GRID2: variants seen among roughly 807,000 people sequenced by gnomAD.
The protein encoded by GRID2 is glutamate receptor ionotropic, delta-2.
GRID2 carries 33 observed loss-of-function variants against 114.8 expected under a neutral mutation model. The ratio of observed to expected loss-of-function variants is 0.29; its 90% CI spans 0.22 to 0.38. GRID2 has a LOEUF of 0.38. Among genes scored for constraint, GRID2 ranks in the 10% least tolerant of loss-of-function variants. The pLI, the probability that GRID2 is intolerant of heterozygous loss-of-function variation, is 1.00. For synonymous variants in GRID2, 505 were observed against 449.9 expected, an observed-to-expected ratio of 1.12 and a Z score of -1.55; for missense variants, 1,184 against 1,257.7, an observed-to-expected ratio of 0.94 and a Z score of 0.89.
Position 93,644,317 on chromosome 4 carries a change from C to T in GRID2, c.2360+17882C>T, listed in dbSNP as rs569490332. ...GCTGTAGACCGGAGCTGTTCCTATT[C>T]GGCCATCTTGGCTCCTCCCCACTAA... is the stretch of plus-strand genomic sequence containing the variant. On this transcript the variant is annotated intron_variant, in intron 14 of 15. Coordinates refer to ENST00000282020, the MANE Select transcript of GRID2 (RefSeq NM_001510.4). Among the ~76,000 whole-genome samples, 13 of 48,000 alleles carry T rather than the reference C, an allele frequency of 2.7e-4. 5 individuals carry two copies. The highest frequency in any genetic ancestry group is 4.2e-4 in the African/African-American group (2 of 4,766). 31.5% of individuals were successfully genotyped at this position (48,000 alleles called of 152,430 possible). A position where few individuals can be genotyped will look rare whatever the true frequency, so the allele number is the denominator to read the frequency against.
intron 13 of GRID2, among the ~76,000 whole-genome samples, chr4:93,618,638 G>A (rs1158027425): frequency 6.6e-6 from 1 of 152,142 alleles, no homozygotes; most frequent in East Asian, 1.9e-4. Flanking sequence ...GTATATTAAT[G>A]GTAACAAATA....
At chr4:92,512,591 T>C (rs17019424) in intron 1 of GRID2, among the ~76,000 whole-genome samples, 2,755 of 151,932 alleles carry the variant, frequency 0.018, 94 homozygotes, top group African/African-American at 0.064. Context: ...TAAATTAATA[T>C]TTTGGGGTCC....
At position 92,658,793 on chromosome 4, in the gene GRID2, G is replaced by GTATATA. The variant is rs201480396; in HGVS notation, c.244+68528_244+68533dup. Among the ~76,000 whole-genome samples the GTATATA allele has an allele frequency of 1.4e-4, 18 of 132,386 alleles. 2 individuals carry two copies. Among genetic ancestry groups the GTATATA allele is most frequent in the Non-Finnish European group, 2.1e-4 (13 of 61,640 alleles). 86.9% of individuals were successfully genotyped at this position (132,386 alleles called of 152,430 possible). Reference sequence around the variant, plus strand: ...TGTTTGCATGTATGTGTGTGTGTGTGTATATATATATATATATATATATAT... The same window carrying GTATATA: ...TGTTTGCATGTATGTGTGTGTGTGTGTATATATATATATATATATATATATATATAT... On this transcript the variant is annotated intron_variant, in intron 2 of 15. Transcript: ENST00000282020.
intron 11 of GRID2, among the ~76,000 whole-genome samples, chr4:93,486,471 G>T: frequency 6.6e-6 from 1 of 151,564 alleles, no homozygotes; most frequent in Non-Finnish European, 1.5e-5. Flanking sequence ...ACTTGATATA[G>T]ATTTTCTTAA....
chr4:93,329,630 A>G (rs1758220852), intron 8 of GRID2, among the ~76,000 whole-genome samples: 1 of 152,146 alleles, frequency 6.6e-6, no homozygotes, highest in African/African-American at 2.4e-5. Flanking sequence ...AAATTTGTGA[A>G]TAAGTCCCCA....
intron 2 of GRID2, among the ~76,000 whole-genome samples, chr4:93,028,849 G>A (rs1724129300): frequency 6.6e-6 from 1 of 151,972 alleles, no homozygotes; most frequent in Non-Finnish European, 1.5e-5. Context: ...AATAACATTT[G>A]TAAATGATGT....
intron 1 of GRID2, among the ~76,000 whole-genome samples, chr4:92,533,182 G>GTTTTT (rs1331638804): frequency 6.9e-6 from 1 of 145,178 alleles, no homozygotes; most frequent in Non-Finnish European, 1.5e-5. Flanking sequence ...CAACTTTGGT[G>GTTTTT]TGTTTTTTTG....
chr4:92,753,074 ATTGT>A (rs1356280995), intron 2 of GRID2, among the ~76,000 whole-genome samples: 2 of 152,288 alleles, frequency 1.3e-5, no homozygotes, highest in South Asian at 2.1e-4. Flanking sequence ...ACTGTTTCTG[ATTGT>A]TATATAAAAC....
intron 2 of GRID2, among the ~76,000 whole-genome samples, chr4:92,882,856 TTGAG>T (rs2149459811): frequency 6.6e-6 from 1 of 152,326 alleles, no homozygotes; most frequent in Admixed American, 6.5e-5. Context: ...AACAAATAAT[TTGAG>T]CCTTCAACAA....
intron 2 of GRID2, among the ~76,000 whole-genome samples, chr4:92,737,938 C>T (rs1047490200): frequency 3.3e-5 from 5 of 152,040 alleles, no homozygotes; most frequent in Non-Finnish European, 7.4e-5. Flanking sequence ...GTTAATTTCC[C>T]GGTAATTGTT....
intron 11 of GRID2, among the ~76,000 whole-genome samples, chr4:93,489,937 G>A (rs577602692): frequency 2.6e-5 from 4 of 151,890 alleles, no homozygotes; most frequent in South Asian, 2.1e-4. Flanking sequence ...TAGGGGGCTA[G>A]AAATGTAAAT....
At chr4:93,717,511 T>A (rs1729000882) in intron 14 of GRID2, among the ~76,000 whole-genome samples, 1 of 152,170 alleles carries the variant, frequency 6.6e-6, no homozygotes, top group Non-Finnish European at 1.5e-5. Context: ...TAAGCACTGC[T>A]AACTATCTTT....
chr4:92,627,190 G>A (rs1329114000), intron 2 of GRID2, among the ~76,000 whole-genome samples: 5 of 152,030 alleles, frequency 3.3e-5, no homozygotes, highest in South Asian at 2.1e-4. Flanking sequence ...TATAGTATAC[G>A]TATGGAATGG....
At chr4:93,298,249 CA>C (rs1466897302) in intron 8 of GRID2, among the ~76,000 whole-genome samples, 1 of 152,126 alleles carries the variant, frequency 6.6e-6, no homozygotes, top group East Asian at 1.9e-4. Flanking sequence ...ACTATTATAA[CA>C]AAGTGCCATA....
intron 13 of GRID2, among the ~76,000 whole-genome samples, chr4:93,603,082 C>T (rs557482242): frequency 3.9e-5 from 6 of 152,098 alleles, no homozygotes; most frequent in East Asian, 1.9e-4. Context: ...TGGTGGCAGG[C>T]GCCTGTAATC....
chr4:93,095,766 T>C (rs1403378697), intron 3 of GRID2, among the ~76,000 whole-genome samples: 1 of 152,010 alleles, frequency 6.6e-6, no homozygotes, highest in Non-Finnish European at 1.5e-5. Context: ...AACTAAATAA[T>C]GGAGAGATAT....
At chr4:93,275,142 T>G (rs1751910598) in intron 8 of GRID2, among the ~76,000 whole-genome samples, 1 of 151,904 alleles carries the variant, frequency 6.6e-6, no homozygotes, top group Non-Finnish European at 1.5e-5. Context: ...ATTCTAGACA[T>G]TTCACATAAA....
intron 2 of GRID2, among the ~76,000 whole-genome samples, chr4:92,930,141 TACTC>T (rs1447067241): frequency 6.6e-6 from 1 of 151,270 alleles, no homozygotes; most frequent in African/African-American, 2.4e-5. Flanking sequence ...GTAAATGACT[TACTC>T]AAGATCACAT....
chr4:92,540,004 C>A (rs184010835), intron 1 of GRID2, among the ~76,000 whole-genome samples: 2 of 152,226 alleles, frequency 1.3e-5, no homozygotes, highest in East Asian at 1.9e-4. Flanking sequence ...TATCTACAAC[C>A]ATCTAATCTT....
Sources: gnomAD v4.1 joint callset for allele counts (sites outside exome capture counted in the v4.1 genomes callset) on GRCh38, gnomAD v4.1.1 for gene constraint, MANE v1.5 for transcripts, NCBI Gene and HGNC (gene_info 2026-07-23, HGNC 2026-07-21) for gene names.